The following AMZ1 variants were observed in gnomAD, a reference collection of about 807,000 sequenced individuals.
AMZ1 encodes archaemetzincin-1.
In AMZ1, 39 loss-of-function variants were observed where a neutral mutation model predicts 29.9. The ratio of observed to expected loss-of-function variants is 1.30; its 90% CI spans 1.01 to 1.70. The LOEUF is 1.70. Ranked by LOEUF, AMZ1 falls within the 40% of genes most tolerant of loss-of-function variation. The pLI is 0.00. For missense variants in AMZ1, 1,041 were observed against 680.6 expected (o/e 1.53, Z -5.89); for synonymous variants, 458 against 304.0 (o/e 1.51, Z -5.27).
rs1410903616 is a variant in AMZ1 at position 2,719,552 on chromosome 7, C to T, written c.*6674C>T. On this transcript the variant is annotated 3_prime_UTR_variant, in exon 7 of 7. Coordinates refer to ENST00000683327, the MANE Select transcript of AMZ1 (RefSeq NM_001384743.1). Reference sequence around the variant, plus strand: ...TAAAAATCCAGTCCAAGTGGAAATACACCTGGAACATTTTATACTGCAATG... The same window carrying T: ...TAAAAATCCAGTCCAAGTGGAAATATACCTGGAACATTTTATACTGCAATG... 6.6e-6 allele frequency among the ~76,000 whole-genome samples: 1 copy of T among 152,234 alleles called. No individual in the cohort carries two copies. The highest frequency in any genetic ancestry group is 1.5e-5 in the Non-Finnish European group (1 of 68,036).
upstream of AMZ1, chr7:2,763,227 CA>C: frequency 2.8e-6 from 1 of 352,458 alleles, no homozygotes; most frequent in Non-Finnish European, 4.2e-6. Flanking sequence ...CACACACACA[CA>C]CACGGTCTCA....
At chr7:2,685,385 C>CCA, upstream of AMZ1, among the ~76,000 whole-genome samples, 3 of 151,416 alleles carry the variant, frequency 2.0e-5, no homozygotes, top group South Asian at 4.2e-4. Context: ...GGGTGAAGCC[C>CCA]TGTCCTTCCT....
chr7:2,742,498 C>A (rs950557342), intron 4 of AMZ1, among the ~76,000 whole-genome samples: 2 of 152,216 alleles, frequency 1.3e-5, no homozygotes, highest in East Asian at 1.9e-4. Context: ...TCATCGCTGT[C>A]CACATGGACT....
intron 4 of AMZ1, among the ~76,000 whole-genome samples, chr7:2,750,505 T>A (rs1275510698): frequency 6.6e-6 from 1 of 152,230 alleles, no homozygotes; most frequent in African/African-American, 2.4e-5. Flanking sequence ...CACATGTACC[T>A]ATGGTCAAGT....
At chr7:2,755,705 T>C (rs1791260938) in intron 4 of AMZ1, among the ~76,000 whole-genome samples, 1 of 152,230 alleles carries the variant, frequency 6.6e-6, no homozygotes, top group African/African-American at 2.4e-5. Context: ...TCTTTTTCTC[T>C]GATATGTCTA....
intron 6 of AMZ1, among the ~76,000 whole-genome samples, chr7:2,710,202 C>A (rs535348722): frequency 7.2e-6 from 1 of 138,626 alleles, no homozygotes; most frequent in Non-Finnish European, 1.5e-5. Flanking sequence ...AGAGGAGGCA[C>A]AGGCCCCTTG....
intron 2 of AMZ1, chr7:2,702,251 TTGCAGCCA>T (rs1008941332): frequency 5.7e-5 from 9 of 156,716 alleles, no homozygotes; most frequent in African/African-American, 1.9e-4. Context: ...GGCTGGCATT[TTGCAGCCA>T]TGCAGCCTGG....
At chr7:2,733,620 A>C (rs1790012010) in intron 4 of AMZ1, 2 of 735,518 alleles carry the variant, frequency 2.7e-6, no homozygotes, top group South Asian at 3.0e-5. Flanking sequence ...ATGGGAAAGC[A>C]AAGGAAAAAG....
At chr7:2,720,849 C>CT (rs1283962089), downstream of AMZ1, among the ~76,000 whole-genome samples, 1 of 152,016 alleles carries the variant, frequency 6.6e-6, no homozygotes, top group African/African-American at 2.4e-5. Flanking sequence ...TAACTAAAAA[C>CT]TTGTTTTTGG....
intron 1 of AMZ1, among the ~76,000 whole-genome samples, chr7:2,682,868 C>T (rs1240433079): frequency 6.6e-6 from 1 of 152,236 alleles, no homozygotes; most frequent in East Asian, 1.9e-4. Context: ...TGTGCTCGCA[C>T]GGTTCCTTCC....
upstream of AMZ1, among the ~76,000 whole-genome samples, chr7:2,759,734 T>C (rs1418012060): frequency 1.3e-5 from 2 of 152,208 alleles, no homozygotes; most frequent in African/African-American, 4.8e-5. Context: ...CACTTCAGAA[T>C]TTTAAAAAGA....
chr7:2,702,579 A>C, intron 2 of AMZ1, 143 bp from the exon 3 acceptor site: 1 of 933,768 alleles, frequency 1.1e-6, no homozygotes, highest in Non-Finnish European at 1.5e-6. Context: ...TCCCTTTTCT[A>C]AGCCTGACGC....
At position 2,712,796 on chromosome 7, in the gene AMZ1, C is replaced by T. The variant is rs772635235; in HGVS notation, c.1415C>T (p.Ser472Phe). The T allele has an allele frequency of 8.3e-6, 13 of 1,560,454 alleles. No homozygotes were observed. In the South Asian group the frequency reaches 8.5e-5, roughly 10 times the overall value. The stretch of plus-strand genomic sequence containing the variant: ...CGCAAGGTGCTGGGGGACAAGTTCT[C>T]CTCCCTGAGGAGGAAGCTGAGTGCC... ...GLRKVLGDKFSSLRRKLSARK... is the reference protein window; with the variant it reads ...GLRKVLGDKFFSLRRKLSARK... The change falls in exon 7 of 7, where the codon TCC (serine) becomes TTC (phenylalanine). Residue 472 changes from serine to phenylalanine, a missense_variant. Ser to Phe is a radical substitution (Grantham distance 155). Transcript: ENST00000683327.
chr7:2,724,458 G>C (rs146838774), downstream of AMZ1, among the ~76,000 whole-genome samples: 194 of 152,324 alleles, frequency 1.3e-3, 1 homozygote, highest in African/African-American at 4.4e-3. Context: ...CCTGGAACAA[G>C]AGCCCTTCAT....
intron 4 of AMZ1, 139 bp from the exon 5 acceptor site, chr7:2,708,936 G>A (rs930869932): frequency 4.9e-5 from 62 of 1,273,686 alleles, no homozygotes; most frequent in Non-Finnish European, 6.3e-5. Flanking sequence ...AACTTCATGT[G>A]GGCAGGACAG....
At chr7:2,748,600 G>C (rs939467777) in intron 4 of AMZ1, among the ~76,000 whole-genome samples, 3 of 152,062 alleles carry the variant, frequency 2.0e-5, no homozygotes, top group Non-Finnish European at 4.4e-5. Context: ...ATAGGCATGG[G>C]CAAGGACTTC....
At chr7:2,753,917 T>C (rs1007705607) in intron 4 of AMZ1, among the ~76,000 whole-genome samples, 5 of 152,164 alleles carry the variant, frequency 3.3e-5, no homozygotes, top group African/African-American at 7.2e-5. Flanking sequence ...GGAGAGCTCA[T>C]GTATGGGTTA....
chr7:2,711,067 G>A (rs899586548), intron 6 of AMZ1, among the ~76,000 whole-genome samples: 49 of 152,228 alleles, frequency 3.2e-4, no homozygotes, highest in Admixed American at 3.2e-3. Context: ...ACCTGGCATA[G>A]CCTGGATCCA....
In AMZ1 at chr7:2,707,273, T is replaced by C. The variant is rs1358157267; in HGVS notation, c.473-1315T>C. ...GCCTGGGCAACAAAGCAACACTCCA[T>C]CTCAAAAAAAAAAAACAAAAAAACA... On this transcript the variant is annotated intron_variant, in intron 3 of 6. Coordinates refer to ENST00000683327, the MANE Select transcript of AMZ1 (RefSeq NM_001384743.1). Among the ~76,000 whole-genome samples the C allele has an allele frequency of 2.9e-5, 3 of 105,138 alleles. No individual in the cohort carries two copies. In the East Asian group the frequency reaches 1.5e-3, roughly 53 times the overall value. The allele number at this position is 105,138 out of a possible 152,430, so 69.0% of individuals were successfully genotyped here.
Sources: gnomAD v4.1 joint callset for allele counts (sites outside exome capture counted in the v4.1 genomes callset) on GRCh38, gnomAD v4.1.1 for gene constraint, MANE v1.5 for transcripts, NCBI Gene and HGNC (gene_info 2026-07-23, HGNC 2026-07-21) for gene names.